The following MYO16 variants were observed in gnomAD, a reference collection of about 807,000 sequenced individuals.
MYO16 encodes the protein unconventional myosin-XVI.
A neutral mutation model predicts 205.3 loss-of-function variants in MYO16; 94 were observed. The ratio of observed to expected loss-of-function variants is 0.46; its 90% confidence interval spans 0.39 to 0.54. MYO16 has a LOEUF of 0.54. Among genes scored for constraint, MYO16 ranks in the 20% least tolerant of loss-of-function variants. The probability of loss-of-function intolerance (pLI) is 0.00; values close to 1 mark genes in which losing one functional copy is unlikely to be tolerated. For missense variants in MYO16, 2,315 were observed against 2,387.5 expected (o/e 0.97, Z 0.63); for synonymous variants, 988 against 954.0 (o/e 1.04, Z -0.66).
intron 10 of MYO16, among the ~76,000 whole-genome samples, chr13:108,854,665 T>G (rs1450396035): frequency 3.9e-5 from 6 of 152,138 alleles, no homozygotes. Context: ...GTGTGTGATA[T>G]TAAAAAAACA....
chr13:108,713,588 G>A (rs962796454), intron 3 of MYO16, among the ~76,000 whole-genome samples: 2 of 152,162 alleles, frequency 1.3e-5, no homozygotes, highest in Admixed American at 6.5e-5. Context: ...TTTCTGGGAT[G>A]TAGCTTGACC....
Position 108,937,817 on chromosome 13 carries a change from A to G in MYO16, c.1926-19871A>G, listed in dbSNP as rs531089787. On this transcript the variant is annotated intron_variant, in intron 16 of 34. Transcript: ENST00000457511. ...GGAACTTTCTTTGTGTTGATTTTCA[A>G]CCTTGTCTTGGATCTCAATAAGCTT... is the stretch of plus-strand genomic sequence containing the variant. Among the ~76,000 whole-genome samples, 98 of 152,022 alleles carry G rather than the reference A, an allele frequency of 6.4e-4. 1 individual carries two copies. The South Asian group carries it at 7.5e-3, about 12-fold the overall frequency.
intron 4 of MYO16, among the ~76,000 whole-genome samples, chr13:108,768,064 G>A (rs9521019): frequency 0.49 from 74,562 of 152,040 alleles, 19,795 homozygotes; most frequent in East Asian, 0.63. Flanking sequence ...GATCTGCTCC[G>A]ATTGCAGAAC....
intron 21 of MYO16, among the ~76,000 whole-genome samples, chr13:109,000,781 A>AT (rs200424196): frequency 2.7e-5 from 4 of 149,864 alleles, no homozygotes; most frequent in East Asian, 3.8e-4. Flanking sequence ...ACTAAAAATA[A>AT]TTTTTTTAAT....
the MYO16 span, among the ~76,000 whole-genome samples, chr13:108,505,545 G>T: frequency 6.6e-6 from 1 of 152,128 alleles, no homozygotes; most frequent in African/African-American, 2.4e-5. Flanking sequence ...TTACTGAGTT[G>T]TGAGAGCTCT....
intron 1 of MYO16, among the ~76,000 whole-genome samples, chr13:108,657,883 G>T (rs1413382817): frequency 6.6e-6 from 1 of 152,014 alleles, no homozygotes; most frequent in Non-Finnish European, 1.5e-5. Flanking sequence ...CAGCAATAAA[G>T]GGCCTTCTTT....
chr13:108,763,564 T>C (rs1327496693), intron 4 of MYO16, among the ~76,000 whole-genome samples: 3 of 152,210 alleles, frequency 2.0e-5, no homozygotes, highest in African/African-American at 7.2e-5. Context: ...GATATTTTAA[T>C]ACAGATGTTA....
chr13:108,645,042 A>G (rs116890677), intron 1 of MYO16, among the ~76,000 whole-genome samples: 1,807 of 152,338 alleles, frequency 0.012, 15 homozygotes, highest in Non-Finnish European at 0.017. Context: ...CCCAGGAAAC[A>G]GTAGCAGAGA....
At chr13:108,777,671 G>A (rs1886167016) in intron 4 of MYO16, among the ~76,000 whole-genome samples, 1 of 152,166 alleles carries the variant, frequency 6.6e-6, no homozygotes, top group African/African-American at 2.4e-5. Context: ...TCCTCCTGCA[G>A]TGCCTCTCCT....
At chr13:108,737,341 G>A (rs1212824072) in intron 4 of MYO16, among the ~76,000 whole-genome samples, 2 of 152,108 alleles carry the variant, frequency 1.3e-5, no homozygotes, top group African/African-American at 2.4e-5. Flanking sequence ...AGAGTTTTTA[G>A]CATGAAGGGC....
intron 25 of MYO16, among the ~76,000 whole-genome samples, chr13:109,053,828 C>T (rs1887327609): frequency 6.6e-6 from 1 of 152,080 alleles, no homozygotes; most frequent in Admixed American, 6.6e-5. Context: ...CTGAGCATGA[C>T]ACGTTGTATT....
chr13:109,023,720 TG>T (rs1566468459), intron 23 of MYO16, among the ~76,000 whole-genome samples: 7 of 133,086 alleles, frequency 5.3e-5, no homozygotes, highest in Non-Finnish European at 1.5e-5. Context: ...TACAAATATA[TG>T]TATATATGCA....
At chr13:109,029,805 T>C (rs1323487928) in intron 23 of MYO16, among the ~76,000 whole-genome samples, 1 of 152,174 alleles carries the variant, frequency 6.6e-6, no homozygotes, top group East Asian at 1.9e-4. Context: ...TTTGGCAGTA[T>C]TGTGTGGGAG....
intron 31 of MYO16, among the ~76,000 whole-genome samples, chr13:109,139,573 C>A (rs1313327872): frequency 1.3e-5 from 2 of 152,230 alleles, no homozygotes; most frequent in South Asian, 4.1e-4. Context: ...AAGGAAGTGG[C>A]TTTATTCGGC....
intron 9 of MYO16, among the ~76,000 whole-genome samples, chr13:108,837,621 A>C (rs1037506684): frequency 1.3e-5 from 2 of 152,218 alleles, no homozygotes; most frequent in Non-Finnish European, 2.9e-5. Context: ...GAGATTTCAA[A>C]GGGCTTAAAG....
chr13:109,137,137 C>T (rs1876814913), intron 31 of MYO16, among the ~76,000 whole-genome samples: 1 of 152,180 alleles, frequency 6.6e-6, no homozygotes, highest in Non-Finnish European at 1.5e-5. Context: ...CCCTCACCTC[C>T]ACGTAGCCTC....
intron 1 of MYO16, among the ~76,000 whole-genome samples, chr13:108,623,194 G>A (rs561702081): frequency 1.7e-4 from 26 of 152,262 alleles, no homozygotes; most frequent in Middle Eastern, 3.4e-3. Flanking sequence ...CCCAAACTGT[G>A]CAGATAGGAG....
chr13:109,113,444 A>T (rs1423436700), intron 28 of MYO16, among the ~76,000 whole-genome samples: 2 of 152,224 alleles, frequency 1.3e-5, no homozygotes, highest in African/African-American at 4.8e-5. Flanking sequence ...TCATCCTGAA[A>T]ATCATTACAG....
Position 108,823,170 on chromosome 13 carries a change from A to C in MYO16, c.989A>C (p.Glu330Ala). ...ATTGAGGAAATGCTGCTGAAAGCCG[A>C]AATTGCCTGGGAAGAAAAAATGAAA... ...EFIEEMLLKA[E>A]IAWEEKMKEP... Residue 330 changes from glutamate to alanine, a missense_variant, in exon 9 of 35, where the codon GAA (glutamate) becomes GCA (alanine). By Grantham distance (107) the Glu-to-Ala change is moderately radical (BLOSUM62 -1). Around this residue, in one of 3 missense-constraint regions of MYO16, gnomAD observed 1,213 missense variants for 1,274.4 expected, o/e 0.95. Coordinates refer to ENST00000457511, the MANE Select transcript of MYO16 (RefSeq NM_001198950.3). The C allele has an allele frequency of 6.2e-7, 1 of 1,612,820 alleles. No homozygotes were observed. Among genetic ancestry groups the C allele is most frequent in the Non-Finnish European group, 8.5e-7 (1 of 1,179,512 alleles).
Sources: gnomAD v4.1 joint callset for allele counts (sites outside exome capture counted in the v4.1 genomes callset) on GRCh38, gnomAD v4.1.1 for gene constraint, gnomAD v4.1.1 regional missense constraint, MANE v1.5 for transcripts, NCBI Gene and HGNC (gene_info 2026-07-23, HGNC 2026-07-21) for gene names.